Variants in GALNT13 observed in about 807,000 individuals in gnomAD.
GALNT13 encodes the protein polypeptide N-acetylgalactosaminyltransferase 13, also known as UDP-GalNAc:polypeptide N-acetylgalactosaminyltransferase 13.
In GALNT13, 28 loss-of-function variants were observed where a neutral mutation model predicts 64.2. The observed-to-expected ratio is 0.44, with a 90% CI of 0.32 to 0.60. The LOEUF (loss-of-function observed/expected upper bound fraction) is 0.60. GALNT13 is among the 20% of genes least tolerant of loss of function. The pLI is 0.05. For synonymous variants in GALNT13, 214 were observed against 224.6 expected, an observed-to-expected ratio of 0.95 and a Z score of 0.42; for missense variants, 577 against 669.8, an observed-to-expected ratio of 0.86 and a Z score of 1.53.
At chr2:154,424,717 C>A (rs1283441408) in intron 11 of GALNT13, among the ~76,000 whole-genome samples, 1 of 152,200 alleles carries the variant, frequency 6.6e-6, no homozygotes, top group African/African-American at 2.4e-5. Context: ...CAGAATTAAG[C>A]TCTAGTTATC....
chr2:154,293,686 G>T (rs569269679), intron 8 of GALNT13, among the ~76,000 whole-genome samples: 1 of 152,168 alleles, frequency 6.6e-6, no homozygotes, highest in East Asian at 1.9e-4. Context: ...GAAAAATTCT[G>T]TTTGCTTATT....
the GALNT13 span, among the ~76,000 whole-genome samples, chr2:153,196,617 A>G: frequency 6.6e-6 from 1 of 151,956 alleles, no homozygotes; most frequent in Admixed American, 6.5e-5. Context: ...TCCATGGAGC[A>G]TGCAGGCAGC....
At chr2:154,287,163 C>T (rs747750363) in intron 8 of GALNT13, 25 of 1,481,522 alleles carry the variant, frequency 1.7e-5, no homozygotes, top group Non-Finnish European at 2.0e-5. Flanking sequence ...GCGGTGGAAG[C>T]CAAACAATTG....
chr2:153,353,164 A>T, the GALNT13 span, among the ~76,000 whole-genome samples: 1 of 151,928 alleles, frequency 6.6e-6, no homozygotes, highest in African/African-American at 2.4e-5. Context: ...TCTCATATAG[A>T]TCATATTCAT....
chr2:153,847,885 C>T, the GALNT13 span, among the ~76,000 whole-genome samples: 2 of 151,958 alleles, frequency 1.3e-5, no homozygotes, highest in Admixed American at 6.6e-5. Flanking sequence ...TGGGATTTTA[C>T]CTAAAGGTTC....
At chr2:154,123,892 G>T (rs1300025111) in intron 3 of GALNT13, among the ~76,000 whole-genome samples, 1 of 152,000 alleles carries the variant, frequency 6.6e-6, no homozygotes, top group East Asian at 1.9e-4. Context: ...AGGAGCACAA[G>T]GATTCCTTTA....
chr2:153,309,024 G>A, the GALNT13 span, among the ~76,000 whole-genome samples: 1 of 152,102 alleles, frequency 6.6e-6, no homozygotes, highest in Non-Finnish European at 1.5e-5. Flanking sequence ...CAATCCAACT[G>A]AAGGAAAGAA....
chr2:153,108,853 A>C, the GALNT13 span, among the ~76,000 whole-genome samples: 2 of 152,154 alleles, frequency 1.3e-5, no homozygotes, highest in Non-Finnish European at 1.5e-5. Flanking sequence ...TCCAGGTTGG[A>C]ATATAATTTC....
the GALNT13 span, among the ~76,000 whole-genome samples, chr2:153,193,344 G>C: frequency 6.7e-6 from 1 of 149,144 alleles, no homozygotes; most frequent in African/African-American, 2.5e-5. Context: ...ACTATCGCAA[G>C]AACAAAAAAC....
chr2:153,546,531 T>A, the GALNT13 span, among the ~76,000 whole-genome samples: 13 of 152,174 alleles, frequency 8.5e-5, no homozygotes, highest in Admixed American at 3.3e-4. Flanking sequence ...ACCCTTTGTG[T>A]GTCCAAGTGT....
the GALNT13 span, among the ~76,000 whole-genome samples, chr2:153,215,465 G>T: frequency 6.6e-6 from 1 of 152,044 alleles, no homozygotes; most frequent in Non-Finnish European, 1.5e-5. Context: ...AAAATCGAAG[G>T]TGAGAGGATT....
At chr2:153,266,829 C>T in the GALNT13 span, among the ~76,000 whole-genome samples, 1 of 152,186 alleles carries the variant, frequency 6.6e-6, no homozygotes, top group Non-Finnish European at 1.5e-5. Context: ...TTTTATGTTT[C>T]AAAACCAATT....
At chr2:154,168,225 C>T (rs906199681) in intron 4 of GALNT13, among the ~76,000 whole-genome samples, 27 of 152,138 alleles carry the variant, frequency 1.8e-4, no homozygotes, top group African/African-American at 5.8e-4. Flanking sequence ...AGGCCGACAA[C>T]TGCAGAATCT....
chr2:154,358,178 C>G (rs1278188190), intron 9 of GALNT13, among the ~76,000 whole-genome samples: 1 of 152,082 alleles, frequency 6.6e-6, no homozygotes. Flanking sequence ...GCCACTTTTC[C>G]AAACAGCAAG....
At chr2:153,497,286 G>C in the GALNT13 span, among the ~76,000 whole-genome samples, 14 of 152,118 alleles carry the variant, frequency 9.2e-5, no homozygotes, top group African/African-American at 3.1e-4. Context: ...ACCACCTCAA[G>C]TATATAAGTT....
intron 4 of GALNT13, among the ~76,000 whole-genome samples, chr2:154,157,905 G>A (rs1684515316): frequency 6.6e-6 from 1 of 152,058 alleles, no homozygotes; most frequent in African/African-American, 2.4e-5. Context: ...TCACTACACT[G>A]GAATATAATT....
the GALNT13 span, among the ~76,000 whole-genome samples, chr2:153,197,867 T>G: frequency 3.3e-5 from 5 of 151,928 alleles, no homozygotes; most frequent in African/African-American, 7.3e-5. Context: ...GCTGCTAGGG[T>G]GGGGAAATTC....
the GALNT13 span, among the ~76,000 whole-genome samples, chr2:153,641,037 A>G: frequency 6.6e-6 from 1 of 152,164 alleles, no homozygotes; most frequent in African/African-American, 2.4e-5. Context: ...GCTGAAATAT[A>G]TAAAACAGCA....
At chr2:154,196,312 A>G (rs533558355) in intron 4 of GALNT13, among the ~76,000 whole-genome samples, 1 of 152,166 alleles carries the variant, frequency 6.6e-6, no homozygotes, top group South Asian at 2.1e-4. Context: ...ATTCCTTTTT[A>G]TGCTTAAGGC....
Sources: gnomAD v4.1 joint callset for allele counts (sites outside exome capture counted in the v4.1 genomes callset) on GRCh38, gnomAD v4.1.1 for gene constraint, MANE v1.5 for transcripts, NCBI Gene and HGNC (gene_info 2026-07-23, HGNC 2026-07-21) for gene names.